EYS: variants seen among roughly 807,000 people sequenced by gnomAD.
The protein encoded by EYS is protein eyes shut homolog.
In EYS, 250 loss-of-function variants were observed where a neutral mutation model predicts 282.1. The ratio of observed to expected loss-of-function variants is 0.89; its 90% confidence interval spans 0.80 to 0.98. The LOEUF (loss-of-function observed/expected upper bound fraction) is 0.98, where lower values mean the gene tolerates loss of function less well. Among genes scored for constraint, EYS ranks in the 50% least tolerant of loss-of-function variants. The pLI, the probability that EYS is intolerant of heterozygous loss-of-function variation, is 0.00. For missense variants in EYS, 4,016 were observed against 3,709.0 expected (o/e 1.08, Z -2.15); for synonymous variants, 1,355 against 1,282.9 (o/e 1.06, Z -1.20).
chr6:65,167,429 G>T (rs539608853), intron 12 of EYS, among the ~76,000 whole-genome samples: 15 of 151,292 alleles, frequency 9.9e-5, no homozygotes, highest in African/African-American at 3.1e-4. Flanking sequence ...CTATAAATGG[G>T]TATATTGTAC....
At chr6:65,690,997 G>T (rs2149844704) in intron 1 of EYS, among the ~76,000 whole-genome samples, 1 of 150,448 alleles carries the variant, frequency 6.6e-6, no homozygotes, top group African/African-American at 2.4e-5. Context: ...GGGCATTTGG[G>T]TTGGTTCCAA....
rs1165113175 is a variant in EYS at position 64,388,675 on chromosome 6, C to A, written c.6078+15G>T. On this transcript the variant is annotated intron_variant, in intron 29 of 42. Coordinates refer to ENST00000503581, the MANE Select transcript of EYS (RefSeq NM_001142800.2). ...ATTTTCAATAATTAATATTTTAAAA[C>A]ATCTATAGAAATACCTGGATTTTCC... 1 of 1,489,576 alleles carries A rather than the reference C, an allele frequency of 6.7e-7. No homozygotes were observed. Among genetic ancestry groups the A allele is most frequent in the Admixed American group, 2.3e-5 (1 of 43,628 alleles). 92.3% of individuals were successfully genotyped at this position (1,489,576 alleles called of 1,614,324 possible).
At chr6:64,775,446 T>G (rs1179216190) in intron 22 of EYS, among the ~76,000 whole-genome samples, 2 of 152,048 alleles carry the variant, frequency 1.3e-5, no homozygotes, top group Non-Finnish European at 2.9e-5. Context: ...CACGGCAAGT[T>G]ATTAAATTTT....
intron 12 of EYS, among the ~76,000 whole-genome samples, chr6:65,280,702 T>C (rs1220816680): frequency 2.0e-5 from 3 of 151,864 alleles, no homozygotes; most frequent in Non-Finnish European, 4.4e-5. Flanking sequence ...TTTTATGATA[T>C]TAATTCATCT....
At chr6:64,364,483 G>A (rs1361141253) in intron 29 of EYS, among the ~76,000 whole-genome samples, 7 of 151,796 alleles carry the variant, frequency 4.6e-5, no homozygotes, top group Non-Finnish European at 7.4e-5. Context: ...TTGCTTAAAC[G>A]TAGGAGAATA....
At chr6:65,347,899 G>A (rs1770461239) in intron 9 of EYS, among the ~76,000 whole-genome samples, 1 of 150,282 alleles carries the variant, frequency 6.7e-6, no homozygotes. Context: ...CAAACCTCTG[G>A]TAACCATCAT....
chr6:63,973,711 G>T (rs1372717286), intron 35 of EYS, among the ~76,000 whole-genome samples: 1 of 152,108 alleles, frequency 6.6e-6, no homozygotes, highest in Non-Finnish European at 1.5e-5. Flanking sequence ...GCAGTTAGTG[G>T]TGGTAGTATC....
At chr6:64,277,515 T>G (rs1194745842) in intron 30 of EYS, among the ~76,000 whole-genome samples, 1 of 152,108 alleles carries the variant, frequency 6.6e-6, no homozygotes, top group Non-Finnish European at 1.5e-5. Flanking sequence ...AGACTTTATT[T>G]TCTACATTTA....
At chr6:63,729,623 A>C (rs1204116816) in intron 41 of EYS, among the ~76,000 whole-genome samples, 1 of 152,018 alleles carries the variant, frequency 6.6e-6, no homozygotes, top group Non-Finnish European at 1.5e-5. Context: ...TCTTTTGTCA[A>C]AGAGCAGTTG....
intron 35 of EYS, among the ~76,000 whole-genome samples, chr6:63,922,381 G>A (rs1347416015): frequency 6.6e-6 from 1 of 152,120 alleles, no homozygotes; most frequent in East Asian, 1.9e-4. Context: ...TGGCCAACAT[G>A]GTAAAACCCT....
chr6:65,239,232 G>A (rs1297257582), intron 12 of EYS, among the ~76,000 whole-genome samples: 1 of 151,916 alleles, frequency 6.6e-6, no homozygotes, highest in Non-Finnish European at 1.5e-5. Flanking sequence ...TTTGAAATGA[G>A]AGCGTAAAAA....
At chr6:65,592,413 A>C (rs1015064515) in intron 2 of EYS, among the ~76,000 whole-genome samples, 14 of 151,968 alleles carry the variant, frequency 9.2e-5, no homozygotes, top group African/African-American at 3.1e-4. Context: ...CAGATATTTT[A>C]TTACTATATT....
At chr6:63,831,066 G>A (rs1771622227) in intron 36 of EYS, among the ~76,000 whole-genome samples, 1 of 152,152 alleles carries the variant, frequency 6.6e-6, no homozygotes, top group Admixed American at 6.5e-5. Flanking sequence ...CCTGAAGGAA[G>A]CACTAAACAT....
At chr6:64,504,864 A>G (rs978133225) in intron 26 of EYS, among the ~76,000 whole-genome samples, 2 of 152,176 alleles carry the variant, frequency 1.3e-5, no homozygotes, top group African/African-American at 4.8e-5. Flanking sequence ...TAGGTCGTAA[A>G]AAACTTGGGA....
At chr6:63,853,820 T>C (rs1259879955) in intron 36 of EYS, among the ~76,000 whole-genome samples, 3 of 152,098 alleles carry the variant, frequency 2.0e-5, no homozygotes, top group Non-Finnish European at 2.9e-5. Flanking sequence ...AGGCCTCAGA[T>C]ATTACACCAC....
chr6:64,390,786 C>A (rs571619063), intron 28 of EYS, among the ~76,000 whole-genome samples: 8 of 148,890 alleles, frequency 5.4e-5, no homozygotes, highest in African/African-American at 2.0e-4. Context: ...ATGACTTTGA[C>A]GAGCTGAGAG....
chr6:64,964,603 A>G (rs909608940), intron 14 of EYS, among the ~76,000 whole-genome samples: 1 of 152,202 alleles, frequency 6.6e-6, no homozygotes, highest in Non-Finnish European at 1.5e-5. Context: ...ACCAGCAAGC[A>G]ATTCATCAAA....
chr6:64,801,741 A>G (rs1299585663), intron 22 of EYS, among the ~76,000 whole-genome samples: 2 of 152,174 alleles, frequency 1.3e-5, no homozygotes, highest in Non-Finnish European at 2.9e-5. Context: ...AAATCATACC[A>G]TAATTTTATT....
At chr6:65,016,162 A>C (rs1044836423) in intron 13 of EYS, among the ~76,000 whole-genome samples, 2 of 151,620 alleles carry the variant, frequency 1.3e-5, no homozygotes, top group Non-Finnish European at 2.9e-5. Flanking sequence ...TTAGGAGCTC[A>C]AGACCCGCTT....
Sources: allele counts gnomAD v4.1 joint callset (sites outside exome capture counted in the v4.1 genomes callset), GRCh38; gene constraint gnomAD v4.1.1; transcripts MANE v1.5; gene names NCBI Gene and HGNC (gene_info 2026-07-23, HGNC 2026-07-21).